OXNAD1: variants seen among roughly 807,000 people sequenced by gnomAD.
OXNAD1 encodes oxidoreductase NAD binding domain containing 1.
A neutral mutation model predicts 32.9 loss-of-function variants in OXNAD1; 34 were observed. The ratio of observed to expected loss-of-function variants is 1.03; its 90% CI spans 0.79 to 1.38. OXNAD1 has a LOEUF of 1.38. Among genes scored for constraint, OXNAD1 ranks in the 40% most tolerant of loss-of-function variants. The pLI is 0.00. For synonymous variants in OXNAD1, 134 were observed against 135.2 expected, an observed-to-expected ratio of 0.99 and a Z score of 0.06; for missense variants, 407 against 379.4, an observed-to-expected ratio of 1.07 and a Z score of -0.60.
intron 9 of OXNAD1, chr3:16,323,536 A>C (rs2069326331): frequency 3.0e-6 from 3 of 1,002,710 alleles, no homozygotes; most frequent in Non-Finnish European, 4.7e-6. Flanking sequence ...TGCCATCCCT[A>C]ATTTCATCAA....
At chr3:16,306,377 C>G (rs549825761), downstream of OXNAD1, among the ~76,000 whole-genome samples, 1 of 152,208 alleles carries the variant, frequency 6.6e-6, no homozygotes, top group East Asian at 1.9e-4. Context: ...CGTGTCACTT[C>G]TAAATTCTTC....
chr3:16,292,373 A>G (rs951214655), intron 5 of OXNAD1, among the ~76,000 whole-genome samples: 7 of 151,804 alleles, frequency 4.6e-5, no homozygotes, highest in African/African-American at 1.5e-4. Context: ...TTTTATTTTT[A>G]GTAGATACGG....
At chr3:16,350,475 C>T (rs1224581901), downstream of OXNAD1, among the ~76,000 whole-genome samples, 1 of 148,416 alleles carries the variant, frequency 6.7e-6, no homozygotes, top group Non-Finnish European at 1.5e-5. Context: ...TAAATGAGCT[C>T]AAGCTGAGAT....
At chr3:16,338,338 C>T (rs762020962), downstream of OXNAD1, among the ~76,000 whole-genome samples, 5 of 152,228 alleles carry the variant, frequency 3.3e-5, no homozygotes, top group Admixed American at 6.5e-5. The surrounding 1 kb of genome is among the most constrained non-coding windows in gnomAD (Gnocchi z 5.3). Context: ...GGACATGCGG[C>T]GGCTAAGGGG....
chr3:16,294,848 CTTTTTAGGGTTGAT>C lies in OXNAD1; in HGVS notation c.291-5_299del. On this transcript the variant is annotated splice_acceptor_variant and splice_polypyrimidine_tract_variant and coding_sequence_variant and intron_variant, in exon 6 of 9. Coordinates refer to ENST00000285083, the MANE Select transcript of OXNAD1 (RefSeq NM_138381.5). LOFTEE classifies it high-confidence loss of function. ...CAACAATAATCATTTATTTGGCTTT[CTTTTTAGGGTTGAT>C]TTCTTTATTCCAGGAGTCTCTGTGG... 6.3e-7 allele frequency: 1 copy of C among 1,580,926 alleles called. No homozygotes were observed. Among genetic ancestry groups the C allele is most frequent in the Middle Eastern group, 1.7e-4 (1 of 5,936 alleles).
rs1009383194 is a variant in OXNAD1, at chr3:16,329,906, G to A, written c.*31-7206G>A. Among the ~76,000 whole-genome samples, 8 of 152,048 alleles carry A rather than the reference G, an allele frequency of 5.3e-5. No individual in the cohort carries two copies. The highest frequency in any genetic ancestry group is 2.0e-4 in the Admixed American group (3 of 15,270). On this transcript the variant is annotated intron_variant, in intron 9 of 9. Transcript: ENST00000435829. The surrounding 1 kb of genome is among the most constrained non-coding windows in gnomAD (Gnocchi z 4.5). Reference sequence around the variant, plus strand: ...GCATCTCGGGCCAGGTTTTCTCTGCGGGCACCCAGAGCTGCGAGACAATGA... The same window carrying A: ...GCATCTCGGGCCAGGTTTTCTCTGCAGGCACCCAGAGCTGCGAGACAATGA...
Position 16,327,631 on chromosome 3 carries a change from G to A in OXNAD1, c.*31-9481G>A, listed in dbSNP as rs1324008708. On this transcript the variant is annotated intron_variant, in intron 9 of 9. Transcript: ENST00000435829. The surrounding 1 kb of genome is among the most constrained non-coding windows in gnomAD (Gnocchi z 4.2). ...AAAAAATTAGCCAGGCCTGGTGGCG[G>A]GCGCCTGTAGTCCCAGCTACTCGGG... is the stretch of plus-strand genomic sequence containing the variant. 2.0e-5 allele frequency among the ~76,000 whole-genome samples: 3 copies of A among 151,984 alleles called. No homozygotes were observed. The East Asian group carries it at 5.8e-4, about 29-fold the overall frequency.
chr3:16,290,512 C>T lies in OXNAD1; in HGVS notation c.290+4064C>T, dbSNP rs943649452. On this transcript the variant is annotated intron_variant, in intron 5 of 8. Transcript: ENST00000285083. This position sits in a 1 kb window ranked among gnomAD's most constrained non-coding sequence, Gnocchi z 4.2. ...TTGAGCAGCAGAGGGCACTGTAGTT[C>T]AGGAGATGAAGCAGCAAAAGTAGCT... Among the ~76,000 whole-genome samples, 2 of 152,192 alleles carry T rather than the reference C, an allele frequency of 1.3e-5. No individual in the cohort carries two copies. Among genetic ancestry groups the T allele is most frequent in the East Asian group, 1.9e-4 (1 of 5,176 alleles).
Position 16,277,470 on chromosome 3 carries a change from G to A in OXNAD1, c.183+5748G>A, listed in dbSNP as rs1048325343. Reference sequence around the variant, plus strand: ...AACTGGATCAGCTTCTTATAGTCTCGTCTTCCATTCTTGCCTTTAATTTGT... The same window carrying A: ...AACTGGATCAGCTTCTTATAGTCTCATCTTCCATTCTTGCCTTTAATTTGT... On this transcript the variant is annotated intron_variant, in intron 4 of 8. Coordinates refer to ENST00000285083, the MANE Select transcript of OXNAD1 (RefSeq NM_138381.5). The surrounding 1 kb of genome is among the most constrained non-coding windows in gnomAD (Gnocchi z 4.3). Among the ~76,000 whole-genome samples the A allele has an allele frequency of 3.9e-5, 6 of 152,108 alleles. No homozygotes were observed. Among genetic ancestry groups the A allele is most frequent in the Admixed American group, 6.5e-5 (1 of 15,272 alleles).
chr3:16,303,466 T>A lies in OXNAD1; in HGVS notation c.843T>A (p.Tyr281Ter). 6.2e-7 allele frequency: 1 copy of A among 1,614,078 alleles called. No homozygotes were observed. The highest frequency in any genetic ancestry group is 8.5e-7 in the Non-Finnish European group (1 of 1,179,932). Residue 281 changes from tyrosine to a stop codon, truncating the protein, a stop_gained, in exon 9 of 9, where the codon TAT (tyrosine) becomes TAA (stop). Transcript: ENST00000285083. LOFTEE classifies it high-confidence loss of function. This position sits in a 1 kb window ranked among gnomAD's most constrained non-coding sequence, Gnocchi z 4.8. The stretch of plus-strand genomic sequence containing the variant: ...ATATTTCAAAAGAGACTTTGTTCTA[T>A]ATTTGTGGCCCACCTCCAATGACAG... Reference protein sequence around the residue: ...RDHISKETLFYICGPPPMTDF... With the variant: ...RDHISKETLF
rs999199115 is a variant in OXNAD1, at chr3:16,345,777, A to G, written c.*31-3399A>G. ...CCATAATCACATGAGCCAAAACCTT[A>G]TAATAAATCTCTGTGTGTGTGTGTG... On this transcript the variant is annotated intron_variant, in intron 9 of 9. Transcript: ENST00000606098. The surrounding 1 kb of genome is among the most constrained non-coding windows in gnomAD (Gnocchi z 5.2). Among the ~76,000 whole-genome samples the G allele has an allele frequency of 1.4e-4, 20 of 138,864 alleles. No homozygotes were observed. The highest frequency in any genetic ancestry group is 5.4e-4 in the African/African-American group (20 of 37,020). 91.1% of individuals were successfully genotyped at this position (138,864 alleles called of 152,430 possible).
At position 16,265,843 on chromosome 3, in the gene OXNAD1, A is replaced by G. The variant is rs1253665881; in HGVS notation, c.-159+338A>G. On this transcript the variant is annotated intron_variant, in intron 1 of 8. Transcript: ENST00000285083. The surrounding 1 kb of genome is among the most constrained non-coding windows in gnomAD (Gnocchi z 4.8). ...AAGAGCTTGTCTGTCTCCAAAGCCCAGGAACAAATTACTTATGTGAGTACC... is the reference window on the plus strand; with the variant it reads ...AAGAGCTTGTCTGTCTCCAAAGCCCGGGAACAAATTACTTATGTGAGTACC... 1.0e-6 allele frequency: 1 copy of G among 984,616 alleles called. No homozygotes were observed. Among genetic ancestry groups the G allele is most frequent in the South Asian group, 4.7e-5 (1 of 21,270 alleles). The allele number at this position is 984,616 out of a possible 1,614,324, so 61.0% of individuals were successfully genotyped here.
At chr3:16,343,608 A>G (rs561172014) in intron 9 of OXNAD1, among the ~76,000 whole-genome samples, 1 of 152,380 alleles carries the variant, frequency 6.6e-6, no homozygotes, top group South Asian at 2.1e-4. Flanking sequence ...ACTGGACTGA[A>G]GAAAACAGGG....
intron 5 of OXNAD1, among the ~76,000 whole-genome samples, chr3:16,292,701 T>G (rs893825970): frequency 6.6e-6 from 1 of 152,240 alleles, no homozygotes. Flanking sequence ...AATTTTTGTA[T>G]ATGTTGTGAA....
chr3:16,310,247 C>G (rs534744459), downstream of OXNAD1, among the ~76,000 whole-genome samples: 2 of 152,206 alleles, frequency 1.3e-5, no homozygotes, highest in South Asian at 4.2e-4. Context: ...TTTTGTGGAC[C>G]TAGAAACTGG....
chr3:16,324,613 A>ACTCC (rs1553718054), intron 9 of OXNAD1, among the ~76,000 whole-genome samples: 1 of 90,800 alleles, frequency 1.1e-5, no homozygotes, highest in African/African-American at 4.5e-5. Context: ...AATGTCCCTG[A>ACTCC]CCCCCCCCCT....
At chr3:16,324,008 G>A (rs1441863546) in intron 9 of OXNAD1, among the ~76,000 whole-genome samples, 2 of 152,168 alleles carry the variant, frequency 1.3e-5, no homozygotes, top group African/African-American at 2.4e-5. Flanking sequence ...AGGGAGGGGC[G>A]ACTCGTATCT....
At chr3:16,270,858 A>G (rs996325688) in intron 2 of OXNAD1, 87 bp from the exon 3 acceptor site, 14 of 1,558,492 alleles carry the variant, frequency 9.0e-6, no homozygotes, top group Non-Finnish European at 1.2e-5. Flanking sequence ...AGAAATCCAC[A>G]CTCTTCCTCA....
downstream of OXNAD1, among the ~76,000 whole-genome samples, chr3:16,310,457 A>G (rs2067891158): frequency 1.3e-5 from 2 of 152,238 alleles, no homozygotes; most frequent in South Asian, 4.1e-4. Flanking sequence ...AGGCCACAGA[A>G]AAATCCAAAT....
Sources: gnomAD v4.1 joint callset for allele counts (sites outside exome capture counted in the v4.1 genomes callset) on GRCh38, gnomAD v4.1.1 for gene constraint, Gnocchi (gnomAD v3.1) non-coding constraint, MANE v1.5 for transcripts, NCBI Gene and HGNC (gene_info 2026-07-23, HGNC 2026-07-21) for gene names.